The following GLUL variants were observed in gnomAD, a reference collection of about 807,000 sequenced individuals.
GLUL encodes glutamine synthetase.
GLUL carries 8 observed loss-of-function variants against 36.9 expected under a neutral mutation model. That is an observed-to-expected ratio of 0.22 (90% confidence interval 0.13 to 0.39). The LOEUF is 0.39. Among genes scored for constraint, GLUL ranks in the 10% least tolerant of loss-of-function variants. GLUL has a pLI of 1.00. For missense variants in GLUL, 315 were observed against 501.8 expected (o/e 0.63, Z 3.56); for synonymous variants, 182 against 172.8 (o/e 1.05, Z -0.42).
rs779283907 is a variant in GLUL at position 182,385,903 on chromosome 1, G to A, written c.476-16C>T. On this transcript the variant is annotated splice_polypyrimidine_tract_variant and intron_variant, in intron 4 of 6. Transcript: ENST00000331872. ...TAATATGGACCTACAGAAGCATCAG[G>A]ACAAAACACTAAGAGTCAAGAAATC... The A allele has an allele frequency of 2.8e-5, 45 of 1,612,590 alleles. No individual in the cohort carries two copies. Among genetic ancestry groups the A allele is most frequent in the Non-Finnish European group, 3.6e-5 (43 of 1,178,754 alleles).
Position 182,384,455 on chromosome 1 carries a change from T to C in GLUL, c.1072A>G (p.Thr358Ala). 6.2e-7 allele frequency: 1 copy of C among 1,613,712 alleles called. No individual in the cohort carries two copies. The highest frequency in any genetic ancestry group is 8.5e-7 in the Non-Finnish European group (1 of 1,179,752). The part of the protein sequence containing the change: ...PFSVTEALIR[T>A]CLLNETGDEP... ...TCGCCGGTTTCATTGAGAAGACACG[T>C]GCGGATGAGGGCTTCTGTCACCGAA... The change falls in exon 7 of 7, where the codon ACG (threonine) becomes GCG (alanine). Residue 358 changes from threonine (T) to alanine (A), a missense_variant. Physicochemically the swap from Thr to Ala is moderately conservative, Grantham distance 58. Coordinates refer to ENST00000331872, the MANE Select transcript of GLUL (RefSeq NM_001033044.4).
chr1:182,388,631 G>T lies in GLUL; in HGVS notation c.107C>A (p.Thr36Asn), dbSNP rs1439663042. 1 of 1,613,894 alleles carries T rather than the reference G, an allele frequency of 6.2e-7. No individual in the cohort carries two copies. The highest frequency in any genetic ancestry group is 8.5e-7 in the Non-Finnish European group (1 of 1,179,838). ...VQAMYIWIDG[T>N]GEGLRCKTRT... ...GGTCTTGCAGCGCAGTCCTTCTCCA[G>T]TACCATCGATCCAGATATACATGGC... Residue 36 changes from threonine (T) to asparagine (N), a missense_variant, in exon 2 of 7, where the codon ACT (threonine) becomes AAT (asparagine). Around this residue, in one of 3 missense-constraint regions of GLUL, gnomAD observed 256 missense variants for 396.1 expected, o/e 0.65. Coordinates refer to ENST00000331872, the MANE Select transcript of GLUL (RefSeq NM_001033044.4).
chr1:182,382,682 A>C lies in GLUL; in HGVS notation c.*1723T>G, dbSNP rs1387200247. The C allele has an allele frequency of 1.3e-5, 2 of 152,080 alleles. No homozygotes were observed. The highest frequency in any genetic ancestry group is 2.9e-5 in the Non-Finnish European group (2 of 67,998). The allele number at this position is 152,080 out of a possible 1,614,324, so 9.4% of individuals were successfully genotyped here. On this transcript the variant is annotated 3_prime_UTR_variant, in exon 7 of 7. Coordinates refer to ENST00000331872, the MANE Select transcript of GLUL (RefSeq NM_001033044.4). ...AACCTCTAGGCTAGGAAATGCCAAGATTGTGTGTAACTAAGTCTAGGTGAA... is the reference window on the plus strand; with the variant it reads ...AACCTCTAGGCTAGGAAATGCCAAGCTTGTGTGTAACTAAGTCTAGGTGAA...
intron 1 of GLUL, chr1:182,390,992 C>A (rs1650390466): frequency 2.5e-6 from 1 of 392,694 alleles, no homozygotes; most frequent in Non-Finnish European, 4.5e-6. Context: ...ACCCTGCCGC[C>A]GAGGGGTTGG....
rs190521263 is a variant in GLUL at position 182,388,853 on chromosome 1, T to G, written c.-13-103A>C. On this transcript the variant is annotated intron_variant, in intron 1 of 6. Coordinates refer to ENST00000331872, the MANE Select transcript of GLUL (RefSeq NM_001033044.4). The stretch of plus-strand genomic sequence containing the variant: ...ACTGAATCAAAAGTCAGAGTGTAAG[T>G]GCCAACTCCTTCCCTTGTGGAAGTC... The G allele has an allele frequency of 4.2e-5, 36 of 848,036 alleles. No homozygotes were observed. In the Admixed American group the frequency reaches 4.8e-4, roughly 11 times the overall value. 52.5% of individuals were successfully genotyped at this position (848,036 alleles called of 1,614,324 possible).
At position 182,386,346 on chromosome 1, in the gene GLUL, G is replaced by A. The variant is rs997586081; in HGVS notation, c.385C>T (p.Pro129Ser). ...TACTCCTGCTCCATGCCAAACCAGG[G>A]GTGCTGGTTGCTCACCATGTCCATT... ...RIMDMVSNQH[P>S]WFGMEQEYTL... is the part of the protein sequence containing the mutation. Residue 129 changes from proline (P) to serine (S), a missense_variant, in exon 4 of 7, where the codon CCC becomes TCC. Pro to Ser is a moderately conservative substitution (Grantham distance 74). Around this residue, in one of 3 missense-constraint regions of GLUL, gnomAD observed 256 missense variants for 396.1 expected, o/e 0.65. Transcript: ENST00000331872. 5.6e-6 allele frequency: 9 copies of A among 1,609,976 alleles called. No individual in the cohort carries two copies. In the African/African-American group the frequency reaches 6.7e-5, roughly 12 times the overall value.
intron 6 of GLUL, 99 bp from the exon 7 acceptor site, chr1:182,384,822 A>G (rs1271460442): frequency 3.4e-6 from 3 of 873,114 alleles, no homozygotes; most frequent in East Asian, 2.4e-5. Context: ...CAAATACTTC[A>G]TGAGGGCAGT....
chr1:182,386,938 GAGA>G, intron 3 of GLUL, 190 bp downstream of exon 3: 1 of 649,314 alleles, frequency 1.5e-6, no homozygotes, highest in African/African-American at 1.8e-5. Flanking sequence ...GCAACCAACA[GAGA>G]AGACCATAGA....
At chr1:182,390,865 G>A (rs1363346660) in intron 1 of GLUL, 3 of 399,022 alleles carry the variant, frequency 7.5e-6, no homozygotes, top group East Asian at 7.1e-5. Flanking sequence ...TCCCGCCCCC[G>A]AGGGAGTTAT....
Position 182,391,403 on chromosome 1 carries a change from G to A in GLUL, c.-14+276C>T, listed in dbSNP as rs528273058. 501 of 395,600 alleles carry A rather than the reference G, an allele frequency of 1.3e-3. 1 individual carries two copies. The highest frequency in any genetic ancestry group is 9.7e-3 in the African/African-American group (474 of 48,664). 24.5% of individuals were successfully genotyped at this position (395,600 alleles called of 1,614,324 possible). A position where few individuals can be genotyped will look rare whatever the true frequency, so the allele number is the denominator to read the frequency against. On this transcript the variant is annotated intron_variant, in intron 1 of 6. Transcript: ENST00000331872. ...AGGGGCGGCGCTTCGGCCGCAAGTAGTGAAAAGAAGATCAAAACAACTCAC... is the reference window on the plus strand; with the variant it reads ...AGGGGCGGCGCTTCGGCCGCAAGTAATGAAAAGAAGATCAAAACAACTCAC...
intron 6 of GLUL, 34 bp downstream of exon 6, chr1:182,385,320 CAGG>C (rs773010117): frequency 3.6e-5 from 53 of 1,483,982 alleles, no homozygotes; most frequent in African/African-American, 1.4e-5. Context: ...TTTTCTGCCA[CAGG>C]AGATTAAAGA....
At position 182,382,743 on chromosome 1, in the gene GLUL, G is replaced by T. The variant is rs1205465607; in HGVS notation, c.*1662C>A. On this transcript the variant is annotated 3_prime_UTR_variant, in exon 7 of 7. Coordinates refer to ENST00000331872, the MANE Select transcript of GLUL (RefSeq NM_001033044.4). ...CCTTAAGTCCCAAATACCCAACTTA[G>T]AGAGGTACAGGAAACGGCTGGTCAG... 6.6e-6 allele frequency: 1 copy of T among 152,086 alleles called. No individual in the cohort carries two copies. Among genetic ancestry groups the T allele is most frequent in the East Asian group, 1.9e-4 (1 of 5,204 alleles). The allele number at this position is 152,086 out of a possible 1,614,324, so 9.4% of individuals were successfully genotyped here. A position where few individuals can be genotyped will look rare whatever the true frequency, so the allele number is the denominator to read the frequency against.
At chr1:182,387,354 T>G in intron 2 of GLUL, 62 bp from the exon 3 acceptor site, 1 of 1,206,244 alleles carries the variant, frequency 8.3e-7, no homozygotes, top group South Asian at 1.2e-5. Flanking sequence ...GCAATGCAAA[T>G]ACAGCCAGCC....
At chr1:182,389,249 G>A (rs1373446014) in intron 1 of GLUL, 1 of 170,666 alleles carries the variant, frequency 5.9e-6, no homozygotes, top group African/African-American at 2.4e-5. Flanking sequence ...TCCAATATAA[G>A]TAAAATCCAG....
At chr1:182,387,435 T>C in intron 2 of GLUL, 143 bp from the exon 3 acceptor site, 1 of 728,466 alleles carries the variant, frequency 1.4e-6, no homozygotes, top group South Asian at 1.5e-5. Context: ...CCATCATTAA[T>C]ATGTATACCC....
In GLUL at chr1:182,386,303, T is replaced by G; in HGVS notation, c.428A>C (p.Asp143Ala). The G allele has an allele frequency of 6.2e-7, 1 of 1,613,652 alleles. No individual in the cohort carries two copies. The highest frequency in any genetic ancestry group is 8.5e-7 in the Non-Finnish European group (1 of 1,179,582). ...MEQEYTLMGT[D>A]GHPFGWPSNG... ...GGAAGGCCAACCAAAGGGGTGCCCA[T>G]CTGTCCCCATGAGGGTATACTCCTG... The change falls in exon 4 of 7, where the codon GAT (aspartate) becomes GCT (alanine). Residue 143 changes from aspartate (D) to alanine (A), a missense_variant. Physicochemically the swap from Asp to Ala is moderately radical, Grantham distance 126. This residue lies in a region of GLUL where 256 missense variants were observed against 396.1 expected (regional missense o/e 0.65). Transcript: ENST00000331872.
chr1:182,389,558 AAGT>A (rs1650322095), intron 1 of GLUL: 1 of 148,864 alleles, frequency 6.7e-6, no homozygotes, highest in Non-Finnish European at 1.5e-5. Context: ...AAGACTTGTC[AAGT>A]AATTAGGAAA....
Position 182,382,625 on chromosome 1 carries a change from A to AG in GLUL, c.*1779dup, listed in dbSNP as rs1175138563. 1 of 152,408 alleles carries AG rather than the reference A, an allele frequency of 6.6e-6. No homozygotes were observed. Among genetic ancestry groups the AG allele is most frequent in the Non-Finnish European group, 1.5e-5 (1 of 68,216 alleles). 9.4% of individuals were successfully genotyped at this position (152,408 alleles called of 1,614,324 possible). On this transcript the variant is annotated 3_prime_UTR_variant, in exon 7 of 7. Transcript: ENST00000331872. ...AAACCAAACTCAGGGGAGCAAAGGA[A>AG]GGGGGAGGAGTGGGGCTTGTACCCT...
At position 182,382,280 on chromosome 1, in the gene GLUL, T is replaced by C. The variant is rs1367360922; in HGVS notation, c.*2125A>G. The C allele has an allele frequency of 6.6e-6, 1 of 152,108 alleles. No individual in the cohort carries two copies. The highest frequency in any genetic ancestry group is 2.4e-5 in the African/African-American group (1 of 41,386). The allele number at this position is 152,108 out of a possible 1,614,324, so 9.4% of individuals were successfully genotyped here. On this transcript the variant is annotated 3_prime_UTR_variant, in exon 7 of 7. Transcript: ENST00000331872. The stretch of plus-strand genomic sequence containing the variant: ...CATGAGGAATGAACGAAGGTAGGAA[T>C]TGGCCAAGATAAGGTGGAAGAACTC...
Sources: gnomAD v4.1 joint callset for allele counts on GRCh38, gnomAD v4.1.1 for gene constraint, gnomAD v4.1.1 regional missense constraint, MANE v1.5 for transcripts, NCBI Gene and HGNC (gene_info 2026-07-23, HGNC 2026-07-21) for gene names.